The following VAT1L variants were observed in gnomAD, a reference collection of about 807,000 sequenced individuals.
VAT1L encodes putative NADPH-dependent quinone oxidoreductase VAT1L.
VAT1L carries 34 observed loss-of-function variants against 44.1 expected under a neutral mutation model. The observed-to-expected ratio is 0.77, with a 90% CI of 0.59 to 1.03. The LOEUF (loss-of-function observed/expected upper bound fraction) is 1.03. VAT1L is among the 50% of genes least tolerant of loss of function. The probability of loss-of-function intolerance (pLI) is 0.00; values close to 1 mark genes in which losing one functional copy is unlikely to be tolerated. For synonymous variants in VAT1L, 253 were observed against 202.2 expected, an observed-to-expected ratio of 1.25 and a Z score of -2.13; for missense variants, 615 against 538.8, an observed-to-expected ratio of 1.14 and a Z score of -1.40.
chr16:77,920,248 T>A (rs2017597362), intron 7 of VAT1L, among the ~76,000 whole-genome samples: 1 of 152,038 alleles, frequency 6.6e-6, no homozygotes, highest in African/African-American at 2.4e-5. Flanking sequence ...AGTCTGGCCA[T>A]TGCAAATCTT....
chr16:77,899,288 C>G (rs1451793797), intron 7 of VAT1L, among the ~76,000 whole-genome samples: 1 of 152,230 alleles, frequency 6.6e-6, no homozygotes, highest in Non-Finnish European at 1.5e-5. Context: ...ACCAAGGCCT[C>G]AACCCCCTCC....
chr16:77,931,120 A>G (rs11645365), intron 7 of VAT1L, among the ~76,000 whole-genome samples: 18,553 of 152,160 alleles, frequency 0.12, 1,506 homozygotes, highest in East Asian at 0.38. Flanking sequence ...TCCACAGCCA[A>G]TGTCTTAATG....
chr16:77,842,624 C>G (rs2016718537), intron 3 of VAT1L, among the ~76,000 whole-genome samples: 1 of 152,112 alleles, frequency 6.6e-6, no homozygotes, highest in African/African-American at 2.4e-5. Flanking sequence ...TCGGGTATGG[C>G]CAAAGCCAGG....
chr16:77,937,959 G>A (rs756708027), intron 7 of VAT1L, among the ~76,000 whole-genome samples: 1 of 152,208 alleles, frequency 6.6e-6, no homozygotes, highest in African/African-American at 2.4e-5. Flanking sequence ...GTATTTTTAA[G>A]AACTGGGAAA....
intron 3 of VAT1L, among the ~76,000 whole-genome samples, chr16:77,837,412 A>G (rs185601395): frequency 1.3e-5 from 2 of 152,282 alleles, no homozygotes; most frequent in East Asian, 1.9e-4. Flanking sequence ...TGCTGCATCT[A>G]TGAAATTAAA....
chr16:77,825,604 C>G lies in VAT1L; in HGVS notation c.579+143C>G, dbSNP rs915504581. ...GGTAGAGTTCACATGGACAGCAAAG[C>G]CCATATAGATGATTGCATTGGGGTA... On this transcript the variant is annotated intron_variant, in intron 3 of 8. Transcript: ENST00000302536. 3.6e-5 allele frequency: 35 copies of G among 976,996 alleles called. No homozygotes were observed. The African/African-American group carries it at 5.4e-4, about 15-fold the overall frequency. The allele number at this position is 976,996 out of a possible 1,614,324, so 60.5% of individuals were successfully genotyped here. A position where few individuals can be genotyped will look rare whatever the true frequency, so the allele number is the denominator to read the frequency against.
intron 3 of VAT1L, among the ~76,000 whole-genome samples, chr16:77,861,049 G>C (rs1279900345): frequency 6.6e-6 from 1 of 152,122 alleles, no homozygotes; most frequent in East Asian, 1.9e-4. Context: ...GAGCAGTCAG[G>C]GGAGGGGGTA....
rs140344794 is a variant in VAT1L at position 77,890,261 on chromosome 16, G to C, written c.1077+5459G>C. Among the ~76,000 whole-genome samples the C allele has an allele frequency of 2.9e-3, 438 of 152,150 alleles. 2 individuals are homozygous for C. The highest frequency in any genetic ancestry group is 0.01 in the African/African-American group (418 of 41,530). ...CATCACAGAAGTGGGAGTGAGTATG[G>C]AGTGGGTGGGGTAGAGAGAAAAGTC... On this transcript the variant is annotated intron_variant, in intron 7 of 8. Transcript: ENST00000302536.
intron 1 of VAT1L, among the ~76,000 whole-genome samples, chr16:77,795,286 G>C (rs926222754): frequency 1.4e-5 from 2 of 147,466 alleles, no homozygotes; most frequent in African/African-American, 2.5e-5. Flanking sequence ...GTGGGGGCGG[G>C]GGGAAAGATT....
intron 7 of VAT1L, among the ~76,000 whole-genome samples, chr16:77,936,340 C>A (rs769239390): frequency 3.9e-5 from 6 of 152,200 alleles, no homozygotes; most frequent in Non-Finnish European, 7.3e-5. Context: ...GGCTTTCTGA[C>A]TTGCCCAGGA....
At chr16:77,818,036 G>T (rs2016385579) in intron 2 of VAT1L, among the ~76,000 whole-genome samples, 1 of 152,158 alleles carries the variant, frequency 6.6e-6, no homozygotes, top group Admixed American at 6.5e-5. Flanking sequence ...TGTGAGGTCA[G>T]AAGGGTAGTT....
intron 8 of VAT1L, among the ~76,000 whole-genome samples, chr16:77,974,713 C>A (rs555469726): frequency 6.6e-6 from 1 of 152,134 alleles, no homozygotes; most frequent in Non-Finnish European, 1.5e-5. Context: ...CAGGCACATG[C>A]CACCACACCC....
chr16:77,955,237 T>C (rs985059228), intron 7 of VAT1L, among the ~76,000 whole-genome samples: 6 of 152,088 alleles, frequency 3.9e-5, no homozygotes, highest in Admixed American at 3.9e-4. Flanking sequence ...CAACTGGAGG[T>C]GCTTTTGCCT....
At chr16:77,821,108 T>G (rs2016445700) in intron 2 of VAT1L, among the ~76,000 whole-genome samples, 1 of 152,128 alleles carries the variant, frequency 6.6e-6, no homozygotes, top group Admixed American at 6.6e-5. Context: ...CATCAACCCA[T>G]CACTCACTAT....
intron 1 of VAT1L, among the ~76,000 whole-genome samples, chr16:77,811,655 C>T (rs771204457): frequency 5.3e-5 from 8 of 152,128 alleles, no homozygotes; most frequent in Admixed American, 1.3e-4. Flanking sequence ...TCCCTTAATA[C>T]CTAACATGTA....
chr16:77,864,161 G>A (rs73577088), intron 4 of VAT1L, among the ~76,000 whole-genome samples: 12,492 of 152,248 alleles, frequency 0.082, 890 homozygotes, highest in African/African-American at 0.19. Flanking sequence ...CTGGGCCCCA[G>A]GCTTGTTCTC....
At chr16:77,924,488 T>A (rs1447268688) in intron 7 of VAT1L, among the ~76,000 whole-genome samples, 2 of 151,890 alleles carry the variant, frequency 1.3e-5, no homozygotes, top group African/African-American at 4.8e-5. Context: ...TGAGACAGAG[T>A]CTTGCTCTGT....
intron 3 of VAT1L, among the ~76,000 whole-genome samples, chr16:77,827,089 A>G (rs774617747): frequency 4.6e-5 from 7 of 152,228 alleles, no homozygotes; most frequent in Non-Finnish European, 1.0e-4. Context: ...TAAGAAAAAT[A>G]TCTTCAATCA....
In VAT1L at chr16:77,909,265, TTC is replaced by T. The variant is rs1295138047; in HGVS notation, c.1077+24465_1077+24466del. Among the ~76,000 whole-genome samples, 9 of 152,302 alleles carry T rather than the reference TTC, an allele frequency of 5.9e-5. No individual in the cohort carries two copies. In the East Asian group the frequency reaches 1.7e-3, roughly 29 times the overall value. On this transcript the variant is annotated intron_variant, in intron 7 of 8. Coordinates refer to ENST00000302536, the MANE Select transcript of VAT1L (RefSeq NM_020927.3). ...AGCTTTTGAAAATTAGGTGATGATA[TTC>T]TGTCATAAGCTATATATTTCTTCTA...
Sources: gnomAD v4.1 joint callset for allele counts (sites outside exome capture counted in the v4.1 genomes callset) on GRCh38, gnomAD v4.1.1 for gene constraint, MANE v1.5 for transcripts, NCBI Gene and HGNC (gene_info 2026-07-23, HGNC 2026-07-21) for gene names.